Variants in RERE observed in about 807,000 individuals in gnomAD.
RERE encodes the protein arginine-glutamic acid dipeptide repeats protein.
A neutral mutation model predicts 146.1 loss-of-function variants in RERE; 40 were observed. The ratio of observed to expected loss-of-function variants is 0.27; its 90% CI spans 0.21 to 0.36. RERE has a LOEUF of 0.36. Among genes scored for constraint, RERE ranks in the 10% least tolerant of loss-of-function variants. RERE has a pLI of 1.00. For synonymous variants in RERE, 1,003 were observed against 866.0 expected, an observed-to-expected ratio of 1.16 and a Z score of -2.78; for missense variants, 1,933 against 2,138.7, an observed-to-expected ratio of 0.90 and a Z score of 1.90.
chr1:8,507,480 T>C (rs1021767010), intron 8 of RERE, among the ~76,000 whole-genome samples: 4 of 152,210 alleles, frequency 2.6e-5, no homozygotes, highest in African/African-American at 7.2e-5. Context: ...CAATCTTGGC[T>C]CACTGCAACC....
intron 1 of RERE, among the ~76,000 whole-genome samples, chr1:8,755,293 G>A (rs915112574): frequency 6.6e-6 from 1 of 152,200 alleles, no homozygotes; most frequent in Non-Finnish European, 1.5e-5. Context: ...TGGTTATCAT[G>A]ATAAATTAAA....
intron 4 of RERE, among the ~76,000 whole-genome samples, chr1:8,588,675 C>A (rs748794080): frequency 1.2e-4 from 18 of 152,296 alleles, no homozygotes; most frequent in Non-Finnish European, 2.2e-4. Flanking sequence ...AGATGCCAAA[C>A]AAAATCTTTA....
intron 4 of RERE, among the ~76,000 whole-genome samples, chr1:8,573,279 C>A (rs576521665): frequency 6.6e-6 from 1 of 152,242 alleles, no homozygotes; most frequent in Non-Finnish European, 1.5e-5. Flanking sequence ...CCAGAGGTAA[C>A]CACCACCTTG....
At chr1:8,753,398 T>C (rs1640576937) in intron 1 of RERE, 1 of 152,202 alleles carries the variant, frequency 6.6e-6, no homozygotes, top group Non-Finnish European at 1.5e-5. Flanking sequence ...AATCAGAAAT[T>C]CAGATTTTTA....
intron 11 of RERE, chr1:8,430,140 T>C (rs1054561798): frequency 7.2e-5 from 11 of 152,350 alleles, no homozygotes; most frequent in Admixed American, 1.3e-4. Context: ...TCACCCCATA[T>C]CTAAAACATA....
intron 1 of RERE, among the ~76,000 whole-genome samples, chr1:8,762,305 T>C (rs1353130): frequency 0.22 from 34,154 of 152,166 alleles, 4,024 homozygotes; most frequent in Middle Eastern, 0.27. Context: ...AATGTCTAAT[T>C]GAACTGTGAG....
At chr1:8,511,542 C>A (rs1299348292) in intron 7 of RERE, among the ~76,000 whole-genome samples, 1 of 152,110 alleles carries the variant, frequency 6.6e-6, no homozygotes, top group African/African-American at 2.4e-5. Context: ...GGCAAAAGTA[C>A]TTTTTAGGTC....
rs58064164 is a variant in RERE, at chr1:8,516,227, GAAA to G, written c.831-7555_831-7553del. ...GGGACGGAGCAAGACTCTCTCAGAG[GAAA>G]AAAAAAAAAAAAAAAAAAATCTAGG... On this transcript the variant is annotated intron_variant, in intron 7 of 22. Transcript: ENST00000400908. Among the ~76,000 whole-genome samples the G allele has an allele frequency of 2.2e-3, 114 of 52,306 alleles. 1 individual carries two copies. Among genetic ancestry groups the G allele is most frequent in the African/African-American group, 6.9e-3 (80 of 11,628 alleles). The allele number at this position is 52,306 out of a possible 152,430, so 34.3% of individuals were successfully genotyped here. A position where few individuals can be genotyped will look rare whatever the true frequency, so the allele number is the denominator to read the frequency against.
intron 1 of RERE, chr1:8,786,296 G>T: frequency 2.1e-6 from 2 of 932,006 alleles, no homozygotes; most frequent in Non-Finnish European, 3.4e-6. Flanking sequence ...CTATCTTGTG[G>T]AGAAAATAAT....
At chr1:8,605,792 A>C (rs551218090) in intron 4 of RERE, among the ~76,000 whole-genome samples, 141 of 145,212 alleles carry the variant, frequency 9.7e-4, no homozygotes, top group African/African-American at 3.5e-3. Flanking sequence ...AAGTGATAAT[A>C]GATTATCTCC....
At chr1:8,465,683 CCTTT>C (rs1322407945) in intron 11 of RERE, 1 of 602,124 alleles carries the variant, frequency 1.7e-6, no homozygotes, top group African/African-American at 1.8e-5. Context: ...ATCAATTTCT[CCTTT>C]CTTTCCATGA....
At chr1:8,748,871 T>C (rs896903274) in intron 1 of RERE, among the ~76,000 whole-genome samples, 3 of 152,184 alleles carry the variant, frequency 2.0e-5, no homozygotes, top group South Asian at 2.1e-4. Flanking sequence ...TAAGTGTTCA[T>C]AATGAGGTAT....
intron 12 of RERE, among the ~76,000 whole-genome samples, chr1:8,377,809 G>C (rs1642310695): frequency 6.6e-6 from 1 of 152,186 alleles, no homozygotes; most frequent in Non-Finnish European, 1.5e-5. Flanking sequence ...AGCGAGGCCT[G>C]CCGCAGGACG....
At chr1:8,499,846 G>A (rs1645105088) in intron 8 of RERE, among the ~76,000 whole-genome samples, 1 of 152,238 alleles carries the variant, frequency 6.6e-6, no homozygotes, top group Admixed American at 6.5e-5. Context: ...TGGGCCTGGC[G>A]TGGTGGCTCA....
intron 11 of RERE, among the ~76,000 whole-genome samples, chr1:8,437,903 G>A (rs1396628963): frequency 7.0e-6 from 1 of 142,514 alleles, no homozygotes; most frequent in Non-Finnish European, 1.5e-5. Flanking sequence ...CCGAAATAGA[G>A]TCCTTTTCAT....
At chr1:8,622,848 A>G (rs1292671794) in intron 3 of RERE, among the ~76,000 whole-genome samples, 1 of 152,158 alleles carries the variant, frequency 6.6e-6, no homozygotes, top group African/African-American at 2.4e-5. Context: ...AAAACAAAGG[A>G]GATGCAGAGA....
At chr1:8,611,880 T>C (rs1262656046) in intron 4 of RERE, among the ~76,000 whole-genome samples, 3 of 151,954 alleles carry the variant, frequency 2.0e-5, no homozygotes, top group Admixed American at 2.0e-4. Context: ...TTTAGGGAGG[T>C]TCTGGGCAAT....
chr1:8,378,402 G>A (rs544590461), intron 12 of RERE, among the ~76,000 whole-genome samples: 1 of 152,334 alleles, frequency 6.6e-6, no homozygotes, highest in African/African-American at 2.4e-5. Context: ...TGTATTGGCT[G>A]AACTGTGTCC....
intron 4 of RERE, among the ~76,000 whole-genome samples, chr1:8,569,293 T>C (rs1449841374): frequency 6.7e-6 from 1 of 148,520 alleles, no homozygotes; most frequent in African/African-American, 2.5e-5. Context: ...TATCACAAAA[T>C]TTGACATTTT....
Sources: gnomAD v4.1 joint callset for allele counts (sites outside exome capture counted in the v4.1 genomes callset) on GRCh38, gnomAD v4.1.1 for gene constraint, MANE v1.5 for transcripts, NCBI Gene and HGNC (gene_info 2026-07-23, HGNC 2026-07-21) for gene names.